CELF4: variants seen among roughly 807,000 people sequenced by gnomAD.
CELF4 encodes the protein CUG-BP- and ETR-3-like factor 4.
Under a neutral mutation model 59.9 loss-of-function variants are expected in CELF4, and 18 were observed. The observed-to-expected ratio is 0.30, with a 90% CI of 0.21 to 0.45. CELF4 has a LOEUF of 0.45. CELF4 is among the 20% of genes least tolerant of loss of function. The pLI is 1.00. For synonymous variants in CELF4, 261 were observed against 267.1 expected (o/e 0.98, Z 0.22); for missense variants, 456 against 689.0 (o/e 0.66, Z 3.79).
intron 2 of CELF4, among the ~76,000 whole-genome samples, chr18:37,461,091 G>A (rs900301422): frequency 2.6e-5 from 4 of 152,206 alleles, no homozygotes; most frequent in African/African-American, 7.2e-5. Flanking sequence ...CCTGCGGTAT[G>A]AGAGGCTTGG....
intron 2 of CELF4, among the ~76,000 whole-genome samples, chr18:37,366,486 G>T (rs1294957261): frequency 6.6e-6 from 1 of 152,184 alleles, no homozygotes; most frequent in African/African-American, 2.4e-5. Flanking sequence ...TCCGGTCAGG[G>T]GAGGTGCAGG....
intron 2 of CELF4, among the ~76,000 whole-genome samples, chr18:37,415,268 A>T (rs2099518248): frequency 6.6e-6 from 1 of 152,226 alleles, no homozygotes; most frequent in Admixed American, 6.5e-5. Flanking sequence ...TGTTTAGAGA[A>T]TAGTGAACCT....
intron 2 of CELF4, among the ~76,000 whole-genome samples, chr18:37,406,186 T>C (rs895456075): frequency 2.0e-5 from 3 of 151,924 alleles, no homozygotes; most frequent in Non-Finnish European, 4.4e-5. Context: ...TTCAAAAATA[T>C]GAGGAGTAAA....
chr18:37,347,934 C>G (rs898531958), intron 2 of CELF4, among the ~76,000 whole-genome samples: 6 of 152,078 alleles, frequency 3.9e-5, no homozygotes, highest in Non-Finnish European at 7.4e-5. Flanking sequence ...GAGAGAGATA[C>G]CTCCCACGTT....
At position 37,451,512 on chromosome 18, in the gene CELF4, C is replaced by T. The variant is rs368332181; in HGVS notation, c.369+34013G>A. The stretch of plus-strand genomic sequence containing the variant: ...ATGTGTGTCACTGCATGTTTGTGCA[C>T]GCATGTGTGCACATGCACATGTGTG... On this transcript the variant is annotated intron_variant, in intron 2 of 12. Transcript: ENST00000420428. Among the ~76,000 whole-genome samples the T allele has an allele frequency of 1.3e-4, 20 of 152,138 alleles. No homozygotes were observed. The East Asian group carries it at 2.1e-3, about 16-fold the overall frequency.
intron 3 of CELF4, among the ~76,000 whole-genome samples, chr18:37,288,218 C>A (rs532177722): frequency 6.6e-6 from 1 of 152,352 alleles, no homozygotes; most frequent in South Asian, 2.1e-4. Flanking sequence ...GCTGAAATGA[C>A]CTCTCAAGCC....
chr18:37,332,019 C>CA (rs1212842580), intron 2 of CELF4, among the ~76,000 whole-genome samples: 1 of 152,124 alleles, frequency 6.6e-6, no homozygotes, highest in Non-Finnish European at 1.5e-5. Flanking sequence ...GCTGCACGTG[C>CA]AGGAGGTGCA....
intron 2 of CELF4, among the ~76,000 whole-genome samples, chr18:37,440,631 G>A (rs576826053): frequency 4.2e-4 from 64 of 152,256 alleles, no homozygotes; most frequent in Middle Eastern, 3.4e-3. Flanking sequence ...AAATGGCACC[G>A]GTTCAATTTA....
At chr18:37,556,038 T>C (rs1271350872) in intron 1 of CELF4, among the ~76,000 whole-genome samples, 3 of 152,162 alleles carry the variant, frequency 2.0e-5, no homozygotes, top group Non-Finnish European at 2.9e-5. Flanking sequence ...TACAGCATTA[T>C]AGGGAGGTAG....
chr18:37,365,162 C>T (rs772962041), intron 2 of CELF4, among the ~76,000 whole-genome samples: 3 of 152,066 alleles, frequency 2.0e-5, no homozygotes, highest in Non-Finnish European at 1.5e-5. Context: ...AAGAGTAAGG[C>T]TAGAATACCA....
At chr18:37,520,142 C>T (rs946358183) in intron 1 of CELF4, among the ~76,000 whole-genome samples, 1 of 152,130 alleles carries the variant, frequency 6.6e-6, no homozygotes, top group Admixed American at 6.5e-5. Flanking sequence ...ACCCCAAGCT[C>T]GGGGCCCCTA....
chr18:37,491,277 C>T (rs898250036), intron 1 of CELF4, among the ~76,000 whole-genome samples: 19 of 151,504 alleles, frequency 1.3e-4, no homozygotes, highest in South Asian at 4.2e-4. Flanking sequence ...CTGAGAGGGA[C>T]GCCGTGCCCA....
chr18:37,534,393 C>T (rs751117955), intron 1 of CELF4, among the ~76,000 whole-genome samples: 8 of 152,152 alleles, frequency 5.3e-5, no homozygotes, highest in Admixed American at 4.6e-4. Flanking sequence ...ACTGGGCAGG[C>T]CGCTGTCCCT....
intron 3 of CELF4, among the ~76,000 whole-genome samples, chr18:37,295,995 G>A (rs1023974941): frequency 3.3e-5 from 5 of 152,166 alleles, no homozygotes; most frequent in Admixed American, 1.3e-4. Flanking sequence ...GAGCTCTGAA[G>A]TCCTCGGCAT....
At chr18:37,302,766 A>G (rs2096143465) in intron 3 of CELF4, among the ~76,000 whole-genome samples, 1 of 152,202 alleles carries the variant, frequency 6.6e-6, no homozygotes, top group African/African-American at 2.4e-5. Flanking sequence ...CTCCCAGACC[A>G]GCAGGGTGAG....
intron 2 of CELF4, among the ~76,000 whole-genome samples, chr18:37,453,040 C>T (rs2099768581): frequency 6.6e-6 from 1 of 152,266 alleles, no homozygotes; most frequent in South Asian, 2.1e-4. Flanking sequence ...CCCCAGCTGC[C>T]CCTCACACAC....
At chr18:37,410,873 C>T (rs1227865047) in intron 2 of CELF4, among the ~76,000 whole-genome samples, 2 of 152,204 alleles carry the variant, frequency 1.3e-5, no homozygotes, top group African/African-American at 4.8e-5. Flanking sequence ...GTCCAGCTGC[C>T]CTGCAGGGGC....
At position 37,408,235 on chromosome 18, in the gene CELF4, A is replaced by G. The variant is rs571421910; in HGVS notation, c.369+77290T>C. Reference sequence around the variant, plus strand: ...GGCTCCTTTGTTCTTATTAGTAAGCAGGATTATTTATTAAAATTCTATATC... The same window carrying G: ...GGCTCCTTTGTTCTTATTAGTAAGCGGGATTATTTATTAAAATTCTATATC... On this transcript the variant is annotated intron_variant, in intron 2 of 12. Coordinates refer to ENST00000420428, the MANE Select transcript of CELF4 (RefSeq NM_020180.4). Among the ~76,000 whole-genome samples, 34 of 152,260 alleles carry G rather than the reference A, an allele frequency of 2.2e-4. 1 individual carries two copies. The South Asian group carries it at 6.8e-3, about 31-fold the overall frequency.
chr18:37,309,751 T>C (rs754806575), intron 3 of CELF4, among the ~76,000 whole-genome samples: 1 of 151,710 alleles, frequency 6.6e-6, no homozygotes, highest in Non-Finnish European at 1.5e-5. Flanking sequence ...TTACCAAATC[T>C]GGGTCTTTCT....
Sources: gnomAD v4.1 joint callset for allele counts (sites outside exome capture counted in the v4.1 genomes callset) on GRCh38, gnomAD v4.1.1 for gene constraint, MANE v1.5 for transcripts, NCBI Gene and HGNC (gene_info 2026-07-23, HGNC 2026-07-21) for gene names.